The following CFAP221 variants were observed in gnomAD, a reference collection of about 807,000 sequenced individuals.
CFAP221 encodes the protein cilia and flagella associated protein 221, also known as cilia- and flagella-associated protein 221.
CFAP221 carries 97 observed loss-of-function variants against 113.1 expected under a neutral mutation model. The ratio of observed to expected loss-of-function variants is 0.86; its 90% CI spans 0.73 to 1.02. The LOEUF is 1.02. CFAP221 is among the 50% of genes least tolerant of loss of function. CFAP221 has a pLI of 0.00. For missense variants in CFAP221, 1,025 were observed against 1,013.4 expected, an observed-to-expected ratio of 1.01 and a Z score of -0.16; for synonymous variants, 331 against 354.4, an observed-to-expected ratio of 0.93 and a Z score of 0.74.
chr2:119,551,691 C>A (rs1301319771), intron 3 of CFAP221, among the ~76,000 whole-genome samples: 1 of 152,112 alleles, frequency 6.6e-6, no homozygotes, highest in Non-Finnish European at 1.5e-5. Context: ...AGTGCGAGTC[C>A]TCCAGTTTTG....
intron 23 of CFAP221, among the ~76,000 whole-genome samples, chr2:119,654,985 A>T (rs1231322971): frequency 6.6e-6 from 1 of 151,246 alleles, no homozygotes; most frequent in Non-Finnish European, 1.5e-5. Flanking sequence ...CCTCTTCCTC[A>T]CCTCCTTCTC....
At chr2:119,605,152 G>A in intron 10 of CFAP221, 29 bp from the exon 11 acceptor site, 2 of 1,567,522 alleles carry the variant, frequency 1.3e-6, no homozygotes, top group Non-Finnish European at 1.8e-6. Flanking sequence ...CTGATTACTG[G>A]TATAAACATT....
In CFAP221 at chr2:119,581,120, A is replaced by G. The variant is rs139889039; in HGVS notation, c.528-5999A>G. The stretch of plus-strand genomic sequence containing the variant: ...CCAATATGCAATTATAAAATTGAAT[A>G]TAGATTAAATCCTTTTACTCAAAAT... On this transcript the variant is annotated intron_variant, in intron 6 of 23. Coordinates refer to ENST00000413369, the MANE Select transcript of CFAP221 (RefSeq NM_001271049.2). Among the ~76,000 whole-genome samples, 34 of 152,396 alleles carry G rather than the reference A, an allele frequency of 2.2e-4. No homozygotes were observed. In the East Asian group the frequency reaches 6.0e-3, roughly 27 times the overall value.
Position 119,567,332 on chromosome 2 carries a change from A to G in CFAP221, c.527+5218A>G, listed in dbSNP as rs568666504. On this transcript the variant is annotated intron_variant, in intron 6 of 23. Transcript: ENST00000413369. ...ACTGTTTATTTTTTTTACTGTCACC[A>G]TAGTTTTTCAGAATGTCATATAGTT... 2.0e-5 allele frequency among the ~76,000 whole-genome samples: 3 copies of G among 152,310 alleles called. No individual in the cohort carries two copies. The South Asian group carries it at 6.2e-4, about 32-fold the overall frequency.
At chr2:119,606,437 G>A (rs144458261) in intron 11 of CFAP221, among the ~76,000 whole-genome samples, 9 of 152,166 alleles carry the variant, frequency 5.9e-5, no homozygotes, top group African/African-American at 2.2e-4. Flanking sequence ...CCACCGGGCT[G>A]CTCCCCTGTC....
chr2:119,611,612 T>C, intron 12 of CFAP221, 41 bp from the exon 13 acceptor site: 1 of 1,542,026 alleles, frequency 6.5e-7, no homozygotes, highest in Non-Finnish European at 8.9e-7. Flanking sequence ...GTTTTACGCA[T>C]TTATATTCAA....
intron 16 of CFAP221, among the ~76,000 whole-genome samples, chr2:119,629,426 ACAGCATGTTTCCCGTGG>A (rs776588098): frequency 9.2e-5 from 14 of 152,226 alleles, no homozygotes; most frequent in Non-Finnish European, 1.9e-4. Flanking sequence ...GTGAGAGGAC[ACAGCATGTTTCCCGTGG>A]CTTCAACCTG....
downstream of CFAP221, among the ~76,000 whole-genome samples, chr2:119,658,521 AACT>A (rs1477081689): frequency 6.6e-6 from 1 of 152,132 alleles, no homozygotes; most frequent in Admixed American, 6.5e-5. Flanking sequence ...CTGCTACAGC[AACT>A]GGTACTTGTT....
chr2:119,580,626 A>C (rs910857635), intron 6 of CFAP221: 2 of 152,100 alleles, frequency 1.3e-5, no homozygotes, highest in African/African-American at 4.8e-5. Flanking sequence ...TTTTGTGCAA[A>C]ATTACTAGTT....
At chr2:119,619,398 G>A (rs953372943) in intron 14 of CFAP221, among the ~76,000 whole-genome samples, 2 of 152,198 alleles carry the variant, frequency 1.3e-5, no homozygotes, top group Non-Finnish European at 2.9e-5. Flanking sequence ...GAAACAGGCA[G>A]CAATCTTTGC....
chr2:119,627,434 A>C (rs1468399556), intron 15 of CFAP221, among the ~76,000 whole-genome samples: 1 of 151,910 alleles, frequency 6.6e-6, no homozygotes, highest in Non-Finnish European at 1.5e-5. Context: ...TTTAATTATG[A>C]ATTATAGTTT....
At chr2:119,632,428 T>C (rs756621697) in intron 19 of CFAP221, among the ~76,000 whole-genome samples, 1 of 152,118 alleles carries the variant, frequency 6.6e-6, no homozygotes, top group Non-Finnish European at 1.5e-5. Flanking sequence ...AGAAAAATTA[T>C]CTAACATCCA....
intron 22 of CFAP221, among the ~76,000 whole-genome samples, chr2:119,649,541 G>A (rs770391960): frequency 2.6e-5 from 4 of 152,156 alleles, no homozygotes; most frequent in Non-Finnish European, 4.4e-5. Context: ...CTCATAGATA[G>A]GCAGCAAGAA....
At chr2:119,636,729 C>T (rs868386363) in intron 19 of CFAP221, among the ~76,000 whole-genome samples, 1 of 152,216 alleles carries the variant, frequency 6.6e-6, no homozygotes, top group South Asian at 2.1e-4. Context: ...TGCTTTTCCT[C>T]ACAAATCCTT....
intron 23 of CFAP221, among the ~76,000 whole-genome samples, chr2:119,654,045 C>G (rs1161144363): frequency 1.3e-5 from 2 of 151,984 alleles, no homozygotes; most frequent in Admixed American, 6.6e-5. Flanking sequence ...TTTATTTTCT[C>G]AGTTTGTCGT....
intron 6 of CFAP221, chr2:119,572,930 T>C (rs962241550): frequency 4.1e-6 from 1 of 245,338 alleles, no homozygotes; most frequent in Non-Finnish European, 7.8e-6. Flanking sequence ...TCTTGAACTT[T>C]TATGTCATAA....
At chr2:119,626,614 G>T (rs4283436) in intron 15 of CFAP221, among the ~76,000 whole-genome samples, 149,011 of 152,262 alleles carry the variant, frequency 0.98, 73,013 homozygotes, top group Non-Finnish European at 1. Context: ...AATCTTGTAT[G>T]GTCTTTCCCT....
At chr2:119,637,750 G>A (rs1687206636) in intron 19 of CFAP221, among the ~76,000 whole-genome samples, 1 of 152,156 alleles carries the variant, frequency 6.6e-6, no homozygotes, top group Non-Finnish European at 1.5e-5. Context: ...TCCAAATGGA[G>A]CCTTCCTGAA....
chr2:119,563,360 C>G (rs747138662), intron 6 of CFAP221, among the ~76,000 whole-genome samples: 1 of 152,148 alleles, frequency 6.6e-6, no homozygotes, highest in Non-Finnish European at 1.5e-5. Flanking sequence ...ATTGCTTTTT[C>G]ATATATTTTT....
Sources: allele counts gnomAD v4.1 joint callset (sites outside exome capture counted in the v4.1 genomes callset), GRCh38; gene constraint gnomAD v4.1.1; transcripts MANE v1.5; gene names NCBI Gene and HGNC (gene_info 2026-07-23, HGNC 2026-07-21).